The following SLC35F4 variants were observed in gnomAD, a reference collection of about 807,000 sequenced individuals.
SLC35F4 encodes chromosome 14 open reading frame 36.
Under a neutral mutation model 44.2 loss-of-function variants are expected in SLC35F4, and 24 were observed. The observed-to-expected ratio is 0.54, with a 90% confidence interval of 0.39 to 0.76. SLC35F4 has a LOEUF of 0.76. Ranked by LOEUF, SLC35F4 falls within the 30% of genes least tolerant of loss-of-function variation. The pLI, the probability that SLC35F4 is intolerant of heterozygous loss-of-function variation, is 0.00. For synonymous variants in SLC35F4, 238 were observed against 223.6 expected (o/e 1.06, Z -0.57); for missense variants, 562 against 586.1 (o/e 0.96, Z 0.42).
intron 1 of SLC35F4, among the ~76,000 whole-genome samples, chr14:57,627,029 G>C (rs904284076): frequency 6.6e-6 from 1 of 152,034 alleles, no homozygotes; most frequent in African/African-American, 2.4e-5. Context: ...TCTCTTTCCT[G>C]GTCTATAGTA....
intron 1 of SLC35F4, among the ~76,000 whole-genome samples, chr14:57,843,977 C>T (rs771050901): frequency 1.3e-5 from 2 of 152,118 alleles, no homozygotes; most frequent in Non-Finnish European, 1.5e-5. Context: ...AACATGTACT[C>T]GTCACAGCAA....
rs534513977 is a variant in SLC35F4, at chr14:57,649,266, C to G, written c.104-55142G>C. Among the ~76,000 whole-genome samples, 5 of 152,256 alleles carry G rather than the reference C, an allele frequency of 3.3e-5. No individual in the cohort carries two copies. The South Asian group carries it at 1.0e-3, about 32-fold the overall frequency. On this transcript the variant is annotated intron_variant, in intron 1 of 7. Transcript: ENST00000556826. ...CAAAACATAATGGCTTAAAACAACACAGATTTATTATATTGCAGTTTTGGT... is the reference window on the plus strand; with the variant it reads ...CAAAACATAATGGCTTAAAACAACAGAGATTTATTATATTGCAGTTTTGGT...
intron 1 of SLC35F4, among the ~76,000 whole-genome samples, chr14:57,778,631 A>T (rs1223966949): frequency 6.6e-6 from 1 of 152,168 alleles, no homozygotes; most frequent in Non-Finnish European, 1.5e-5. Context: ...GACCTAATAG[A>T]CATCTACAGA....
At chr14:57,572,870 G>C (rs2068585615) in intron 4 of SLC35F4, among the ~76,000 whole-genome samples, 1 of 152,206 alleles carries the variant, frequency 6.6e-6, no homozygotes, top group Admixed American at 6.5e-5. Flanking sequence ...GCAGTTCAGA[G>C]CTATAGCAAA....
At chr14:57,589,766 C>A (rs951689332) in intron 2 of SLC35F4, among the ~76,000 whole-genome samples, 1 of 152,320 alleles carries the variant, frequency 6.6e-6, no homozygotes, top group Non-Finnish European at 1.5e-5. Flanking sequence ...GGATGTTATG[C>A]TGTTTTCCAG....
chr14:57,684,870 G>T (rs1312316363), intron 1 of SLC35F4, among the ~76,000 whole-genome samples: 1 of 152,130 alleles, frequency 6.6e-6, no homozygotes, highest in Non-Finnish European at 1.5e-5. Context: ...TTCCCCAGAG[G>T]GATAGCGTTG....
intron 1 of SLC35F4, among the ~76,000 whole-genome samples, chr14:57,754,010 G>A (rs112735334): frequency 1.3e-5 from 2 of 151,288 alleles, no homozygotes; most frequent in African/African-American, 4.9e-5. Flanking sequence ...TCCCTCTCAG[G>A]ATTAGTCCAA....
chr14:57,853,745 G>A (rs1886803818), intron 1 of SLC35F4, among the ~76,000 whole-genome samples: 1 of 152,148 alleles, frequency 6.6e-6, no homozygotes, highest in African/African-American at 2.4e-5. Flanking sequence ...GACAAGAATG[G>A]GGAGCATGTG....
intron 1 of SLC35F4, among the ~76,000 whole-genome samples, chr14:57,778,382 G>A (rs2077541111): frequency 1.3e-5 from 2 of 152,018 alleles, no homozygotes; most frequent in South Asian, 4.1e-4. Context: ...AGACAAGGAA[G>A]GACATTAACT....
intron 3 of SLC35F4, among the ~76,000 whole-genome samples, chr14:57,582,648 C>G (rs1594937713): frequency 1.3e-5 from 2 of 152,170 alleles, no homozygotes; most frequent in Non-Finnish European, 2.9e-5. Context: ...CTCGATTGTT[C>G]ATGAACATTC....
intron 1 of SLC35F4, among the ~76,000 whole-genome samples, chr14:57,947,834 G>T (rs896757748): frequency 1.3e-5 from 2 of 152,062 alleles, no homozygotes; most frequent in Non-Finnish European, 2.9e-5. Context: ...CACATTTATT[G>T]ACTTTCATAT....
rs373248732 is a variant in SLC35F4, at chr14:57,880,984, ATTTG to A, written n.282+100925_282+100928del. Among the ~76,000 whole-genome samples, 35 of 152,296 alleles carry A rather than the reference ATTTG, an allele frequency of 2.3e-4. No individual in the cohort carries two copies. In the East Asian group the frequency reaches 2.9e-3, roughly 13 times the overall value. ...ATAGGAAGTCAAAATATAATCAGAG[ATTTG>A]TTTGTTTGCTAAACCTAGATTCAAA... On this transcript the variant is annotated intron_variant and non_coding_transcript_variant, in intron 1 of 1. Coordinates refer to the SLC35F4 transcript ENST00000556568.
intron 1 of SLC35F4, among the ~76,000 whole-genome samples, chr14:57,928,302 T>C (rs554072380): frequency 2.0e-5 from 3 of 152,280 alleles, no homozygotes; most frequent in Admixed American, 6.5e-5. Flanking sequence ...CTTCTATCCC[T>C]GCCAGGTACT....
intron 1 of SLC35F4, among the ~76,000 whole-genome samples, chr14:57,958,159 G>A (rs983465011): frequency 3.3e-5 from 5 of 151,960 alleles, no homozygotes; most frequent in African/African-American, 7.2e-5. Context: ...CCAGGTTCAC[G>A]CCGTTCTCCT....
intron 3 of SLC35F4, among the ~76,000 whole-genome samples, chr14:57,583,849 A>G (rs1268038842): frequency 1.3e-5 from 2 of 152,190 alleles, no homozygotes; most frequent in African/African-American, 4.8e-5. Flanking sequence ...ATGGATTTTT[A>G]TGGAGAAGCG....
chr14:57,938,088 T>C (rs117566241), intron 1 of SLC35F4, among the ~76,000 whole-genome samples: 342 of 152,276 alleles, frequency 2.2e-3, no homozygotes, highest in Non-Finnish European at 4.0e-3. Flanking sequence ...TATAGAAGAT[T>C]GCCCAATATT....
chr14:57,975,552 T>C (rs946231988), downstream of SLC35F4, among the ~76,000 whole-genome samples: 6 of 152,140 alleles, frequency 3.9e-5, no homozygotes, highest in Admixed American at 3.3e-4. Context: ...GAGATGGAGA[T>C]GTTGGCACTG....
At chr14:57,758,826 G>T (rs1763421199) in intron 1 of SLC35F4, among the ~76,000 whole-genome samples, 3 of 152,064 alleles carry the variant, frequency 2.0e-5, no homozygotes, top group Admixed American at 2.0e-4. Context: ...TTGTATAGAA[G>T]ATCTCTAGAA....
chr14:57,817,905 T>A (rs2140903252), intron 1 of SLC35F4, among the ~76,000 whole-genome samples: 1 of 152,238 alleles, frequency 6.6e-6, no homozygotes, highest in South Asian at 2.1e-4. Flanking sequence ...ACTCACCACC[T>A]GAATGTATTC....
Sources: gnomAD v4.1 joint callset for allele counts (sites outside exome capture counted in the v4.1 genomes callset) on GRCh38, gnomAD v4.1.1 for gene constraint, MANE v1.5 for transcripts, NCBI Gene and HGNC (gene_info 2026-07-23, HGNC 2026-07-21) for gene names.